LRRC9: variants seen among roughly 807,000 people sequenced by gnomAD.
The protein encoded by LRRC9 is leucine rich repeat containing 9.
In LRRC9, 122 loss-of-function variants were observed where a neutral mutation model predicts 63.2. The observed-to-expected ratio is 1.93, with a 90% CI of 1.67 to 2.24. The LOEUF (loss-of-function observed/expected upper bound fraction) is 2.24, where lower values mean the gene tolerates loss of function less well. Ranked by LOEUF, LRRC9 falls within the 30% of genes most tolerant of loss-of-function variation. The pLI, the probability that LRRC9 is intolerant of heterozygous loss-of-function variation, is 0.00. For synonymous variants in LRRC9, 366 were observed against 213.1 expected (o/e 1.72, Z -6.25); for missense variants, 1,071 against 627.7 (o/e 1.71, Z -7.55).
At chr14:59,967,526 A>G (rs1884983639) in intron 12 of LRRC9, among the ~76,000 whole-genome samples, 1 of 151,724 alleles carries the variant, frequency 6.6e-6, no homozygotes. Flanking sequence ...TCTTTTGTAA[A>G]CTCTCCAGTC....
intron 30 of LRRC9, among the ~76,000 whole-genome samples, chr14:60,054,819 T>A (rs561503925): frequency 6.6e-5 from 10 of 152,238 alleles, no homozygotes; most frequent in Non-Finnish European, 1.0e-4. Flanking sequence ...TGGAATGCAG[T>A]GGTATAATCT....
chr14:59,971,755 C>G (rs1490032174), intron 12 of LRRC9, among the ~76,000 whole-genome samples: 1 of 152,042 alleles, frequency 6.6e-6, no homozygotes, highest in Non-Finnish European at 1.5e-5. Flanking sequence ...CACATCTAAT[C>G]ATTTTCCAGT....
At chr14:60,016,042 T>C (rs1237131523) in intron 23 of LRRC9, among the ~76,000 whole-genome samples, 2 of 152,148 alleles carry the variant, frequency 1.3e-5, no homozygotes, top group African/African-American at 4.8e-5. Context: ...TGTCTTGTTA[T>C]TTCCTTACTG....
intron 23 of LRRC9, among the ~76,000 whole-genome samples, chr14:60,011,054 C>T (rs1046934600): frequency 2.0e-5 from 3 of 152,178 alleles, no homozygotes; most frequent in Non-Finnish European, 4.4e-5. Context: ...CAGCACATTA[C>T]TCTACCAATA....
intron 17 of LRRC9, among the ~76,000 whole-genome samples, chr14:59,993,651 G>A (rs1299202446): frequency 6.6e-6 from 1 of 152,160 alleles, no homozygotes; most frequent in Non-Finnish European, 1.5e-5. Flanking sequence ...AAAAAAGGCA[G>A]GGGTTGCAAT....
chr14:60,048,621 T>C (rs1337994883), intron 29 of LRRC9, among the ~76,000 whole-genome samples: 1 of 151,914 alleles, frequency 6.6e-6, no homozygotes, highest in Non-Finnish European at 1.5e-5. Context: ...AGGCCAATAA[T>C]GAGTCCTGAA....
intron 7 of LRRC9, among the ~76,000 whole-genome samples, chr14:59,941,405 T>A (rs1051835811): frequency 4.6e-5 from 7 of 151,636 alleles, no homozygotes; most frequent in African/African-American, 9.7e-5. Flanking sequence ...TCTTTTTTTT[T>A]ATCCCACCTA....
intron 30 of LRRC9, among the ~76,000 whole-genome samples, chr14:60,054,440 T>A (rs1178593934): frequency 6.6e-6 from 1 of 152,084 alleles, no homozygotes; most frequent in Non-Finnish European, 1.5e-5. Flanking sequence ...TCAAATTAGA[T>A]GTGGGAGAAA....
At chr14:59,933,776 C>T (rs763061162) in intron 6 of LRRC9, among the ~76,000 whole-genome samples, 6 of 151,910 alleles carry the variant, frequency 3.9e-5, no homozygotes, top group African/African-American at 1.2e-4. Context: ...GGTAGCAGGG[C>T]GTGGGCATTC....
chr14:60,023,710 T>C (rs927908725), intron 27 of LRRC9, among the ~76,000 whole-genome samples: 1 of 152,130 alleles, frequency 6.6e-6, no homozygotes, highest in African/African-American at 2.4e-5. Flanking sequence ...GTTTGTTACA[T>C]AGGTATACAT....
intron 17 of LRRC9, among the ~76,000 whole-genome samples, chr14:59,993,641 A>G (rs531789694): frequency 1.3e-5 from 2 of 152,308 alleles, no homozygotes; most frequent in Non-Finnish European, 2.9e-5. Flanking sequence ...ATGGAAAACA[A>G]AAAAAGGCAG....
In LRRC9 at chr14:59,944,211, T is replaced by C. The variant is rs74580025; in HGVS notation, c.727-378T>C. Among the ~76,000 whole-genome samples, 512 of 152,082 alleles carry C rather than the reference T, an allele frequency of 3.4e-3. 17 individuals carry two copies. The East Asian group carries it at 0.058, about 17-fold the overall frequency. ...TGTATTTGCTTTTAATTCTTATTAA[T>C]TTATTTTATTCCCTGAGTTAATCAA... On this transcript the variant is annotated intron_variant, in intron 7 of 31. Transcript: ENST00000445360.
intron 25 of LRRC9, among the ~76,000 whole-genome samples, chr14:60,018,779 G>A (rs958461421): frequency 2.8e-4 from 43 of 151,788 alleles, no homozygotes; most frequent in Admixed American, 5.3e-4. Context: ...TATTGCCTCC[G>A]TTATTATTTA....
At chr14:59,991,073 C>T (rs1251468247) in intron 17 of LRRC9, among the ~76,000 whole-genome samples, 3 of 152,118 alleles carry the variant, frequency 2.0e-5, no homozygotes, top group African/African-American at 7.2e-5. Flanking sequence ...TTGCCTCTGC[C>T]TCTATATTCT....
exon 13 of LRRC9, chr14:59,974,611 C>T: frequency 3.0e-6 from 2 of 668,170 alleles, no homozygotes. Flanking sequence ...TTGTTTCTAA[C>T]AGTCTAAGTA....
At chr14:60,045,851 C>T (rs1566905718) in intron 29 of LRRC9, among the ~76,000 whole-genome samples, 2 of 152,204 alleles carry the variant, frequency 1.3e-5, no homozygotes, top group East Asian at 1.9e-4. Flanking sequence ...AATTGCCACA[C>T]TGTCTTCCAC....
chr14:60,028,128 G>T, intron 28 of LRRC9, 27 bp downstream of exon 28: 1 of 673,740 alleles, frequency 1.5e-6, no homozygotes, highest in Middle Eastern at 2.5e-4. Context: ...TTTATTATGG[G>T]ATTTACAAGC....
intron 7 of LRRC9, among the ~76,000 whole-genome samples, chr14:59,944,214 A>G (rs78184766): frequency 6.6e-6 from 1 of 151,898 alleles, no homozygotes; most frequent in African/African-American, 2.4e-5. Context: ...TTATTAATTT[A>G]TTTTATTCCC....
rs1313065271 is a variant in LRRC9 at position 59,938,356 on chromosome 14, A to G, written c.544-34A>G. The G allele has an allele frequency of 3.1e-6, 2 of 650,324 alleles. No homozygotes were observed. Among genetic ancestry groups the G allele is most frequent in the Non-Finnish European group, 5.6e-6 (2 of 360,242 alleles). The allele number at this position is 650,324 out of a possible 1,614,324, so 40.3% of individuals were successfully genotyped here. A position where few individuals can be genotyped will look rare whatever the true frequency, so the allele number is the denominator to read the frequency against. On this transcript the variant is annotated intron_variant, in intron 6 of 31. Transcript: ENST00000445360. The surrounding 1 kb of genome is among the most constrained non-coding windows in gnomAD (Gnocchi z 4.2). ...TACTGCCTTTAGAAATGACAGTCAC[A>G]ATTAACTGAACATTATCTTTGCTGG... is the stretch of plus-strand genomic sequence containing the variant.
Sources: allele counts gnomAD v4.1 joint callset (sites outside exome capture counted in the v4.1 genomes callset), GRCh38; gene constraint gnomAD v4.1.1; non-coding constraint Gnocchi (gnomAD v3.1); transcripts MANE v1.5; gene names NCBI Gene and HGNC (gene_info 2026-07-23, HGNC 2026-07-21).